PRKG1: variants seen among roughly 807,000 people sequenced by gnomAD.
PRKG1 encodes protein kinase cGMP-dependent 1.
In PRKG1, 35 loss-of-function variants were observed where a neutral mutation model predicts 88.1. The ratio of observed to expected loss-of-function variants is 0.40; its 90% confidence interval spans 0.30 to 0.53. The LOEUF is 0.53. Ranked by LOEUF, PRKG1 falls within the 20% of genes least tolerant of loss-of-function variation. The probability of loss-of-function intolerance (pLI) is 0.59; values close to 1 mark genes in which losing one functional copy is unlikely to be tolerated. For missense variants in PRKG1, 540 were observed against 839.8 expected, an observed-to-expected ratio of 0.64 and a Z score of 4.41; for synonymous variants, 303 against 292.5, an observed-to-expected ratio of 1.04 and a Z score of -0.37.
chr10:51,057,172 C>T (rs1302179319), intron 1 of PRKG1, among the ~76,000 whole-genome samples: 1 of 152,184 alleles, frequency 6.6e-6, no homozygotes, highest in African/African-American at 2.4e-5. Context: ...CACACACATA[C>T]ATATGATGGC....
chr10:51,434,587 G>A (rs1397711157), intron 2 of PRKG1, among the ~76,000 whole-genome samples: 1 of 152,084 alleles, frequency 6.6e-6, no homozygotes, highest in East Asian at 1.9e-4. Flanking sequence ...TAGCACTTAG[G>A]TGGAAATATC....
At chr10:51,461,091 A>G (rs1839732132) in intron 2 of PRKG1, among the ~76,000 whole-genome samples, 1 of 152,170 alleles carries the variant, frequency 6.6e-6, no homozygotes, top group African/African-American at 2.4e-5. Flanking sequence ...TTTAGTTCAT[A>G]TGCAATATGT....
At chr10:51,947,186 C>G (rs1052784271) in intron 5 of PRKG1, among the ~76,000 whole-genome samples, 1 of 152,126 alleles carries the variant, frequency 6.6e-6, no homozygotes, top group South Asian at 2.1e-4. Flanking sequence ...CCTCCCCCAG[C>G]CTCGCTGCCG....
chr10:52,168,007 C>T (rs1284189815), intron 9 of PRKG1, among the ~76,000 whole-genome samples: 1 of 152,182 alleles, frequency 6.6e-6, no homozygotes, highest in Non-Finnish European at 1.5e-5. Context: ...TTTAAAGACT[C>T]CTTGCAATGC....
intron 7 of PRKG1, among the ~76,000 whole-genome samples, chr10:52,084,723 G>T (rs559996849): frequency 7.0e-4 from 107 of 152,058 alleles, no homozygotes; most frequent in Non-Finnish European, 3.2e-4. Flanking sequence ...ACAAGTTCAA[G>T]AAATTTGACA....
chr10:51,059,423 A>G lies in PRKG1; in HGVS notation c.266+67779A>G, dbSNP rs554752289. On this transcript the variant is annotated intron_variant, in intron 1 of 17. Transcript: ENST00000401604. Reference sequence around the variant, plus strand: ...ATTTATTTATTTTTTTAGAGGCAGAATCTTGCACTGTCATCTAGGCTCCAG... The same window carrying G: ...ATTTATTTATTTTTTTAGAGGCAGAGTCTTGCACTGTCATCTAGGCTCCAG... Among the ~76,000 whole-genome samples, 3 of 152,142 alleles carry G rather than the reference A, an allele frequency of 2.0e-5. No homozygotes were observed. In the South Asian group the frequency reaches 6.2e-4, roughly 32 times the overall value.
chr10:51,776,288 G>A (rs1037259971), intron 3 of PRKG1, among the ~76,000 whole-genome samples: 3 of 152,134 alleles, frequency 2.0e-5, no homozygotes, highest in Non-Finnish European at 2.9e-5. Context: ...TCCACTTAGT[G>A]GTTGTGACTG....
intron 4 of PRKG1, among the ~76,000 whole-genome samples, chr10:51,871,719 A>G (rs1306397132): frequency 6.6e-6 from 1 of 152,146 alleles, no homozygotes; most frequent in African/African-American, 2.4e-5. Context: ...GAGTTACCTG[A>G]CTTGACTTCC....
chr10:51,091,850 G>A (rs997790157), intron 1 of PRKG1, among the ~76,000 whole-genome samples: 1 of 152,088 alleles, frequency 6.6e-6, no homozygotes, highest in Non-Finnish European at 1.5e-5. Context: ...CCATTTTAGG[G>A]ACAGCAAAAG....
At chr10:51,764,699 T>C (rs1048406315) in intron 3 of PRKG1, among the ~76,000 whole-genome samples, 1 of 152,192 alleles carries the variant, frequency 6.6e-6, no homozygotes, top group Non-Finnish European at 1.5e-5. Context: ...TAAGAATTAA[T>C]GTAATAAGTC....
intron 3 of PRKG1, among the ~76,000 whole-genome samples, chr10:51,730,264 C>G (rs927185200): frequency 1.3e-5 from 2 of 152,192 alleles, no homozygotes; most frequent in Non-Finnish European, 2.9e-5. Flanking sequence ...AGTTTGGTAG[C>G]CTCAAGCCTT....
intron 3 of PRKG1, among the ~76,000 whole-genome samples, chr10:51,580,480 T>C (rs1838002741): frequency 6.6e-6 from 1 of 152,130 alleles, no homozygotes; most frequent in Non-Finnish European, 1.5e-5. Flanking sequence ...AATCGGTATG[T>C]TTCTGAATTA....
intron 12 of PRKG1, among the ~76,000 whole-genome samples, chr10:52,278,923 A>G (rs1478119982): frequency 6.6e-6 from 1 of 151,504 alleles, no homozygotes; most frequent in Non-Finnish European, 1.5e-5. Flanking sequence ...AAAAAAGAAC[A>G]AGATATATAG....
chr10:51,851,336 G>A (rs1390242481), intron 4 of PRKG1, among the ~76,000 whole-genome samples: 1 of 152,146 alleles, frequency 6.6e-6, no homozygotes, highest in Non-Finnish European at 1.5e-5. Context: ...TATTACAAGT[G>A]GAGTTTGTGG....
intron 1 of PRKG1, among the ~76,000 whole-genome samples, chr10:51,024,842 AG>A (rs1843185610): frequency 6.6e-6 from 1 of 152,138 alleles, no homozygotes; most frequent in African/African-American, 2.4e-5. Context: ...GCAGCACCAA[AG>A]GGGATATCCA....
intron 7 of PRKG1, among the ~76,000 whole-genome samples, chr10:52,106,604 T>G (rs1168054991): frequency 6.6e-6 from 1 of 151,620 alleles, no homozygotes; most frequent in Admixed American, 6.6e-5. Flanking sequence ...CATTAAGACA[T>G]GCAGTATAAA....
chr10:51,166,467 G>C (rs895999109), intron 2 of PRKG1, among the ~76,000 whole-genome samples: 2 of 151,978 alleles, frequency 1.3e-5, no homozygotes, highest in African/African-American at 4.8e-5. Context: ...GATTAATAGC[G>C]ATAACTATAG....
chr10:51,428,417 A>G (rs964677594), intron 2 of PRKG1, among the ~76,000 whole-genome samples: 1 of 152,210 alleles, frequency 6.6e-6, no homozygotes, highest in Admixed American at 6.5e-5. Flanking sequence ...GAAGCCATGA[A>G]AAAGAAGTAT....
intron 3 of PRKG1, among the ~76,000 whole-genome samples, chr10:51,554,130 ATATGTGCGTATGTGATATGTGTATATAT>A (rs1423999155): frequency 1.4e-4 from 21 of 145,954 alleles, no homozygotes; most frequent in African/African-American, 4.5e-4. Flanking sequence ...TGTATATATT[ATATGTGCGTATGTGATATGTGTATATAT>A]TATATGTGCG....
Sources: allele counts gnomAD v4.1 joint callset (sites outside exome capture counted in the v4.1 genomes callset), GRCh38; gene constraint gnomAD v4.1.1; transcripts MANE v1.5; gene names NCBI Gene and HGNC (gene_info 2026-07-23, HGNC 2026-07-21).